ZBTB40: variants seen among roughly 807,000 people sequenced by gnomAD.
ZBTB40 encodes the protein zinc finger and BTB domain-containing protein 40.
Under a neutral mutation model 117.5 loss-of-function variants are expected in ZBTB40, and 60 were observed. The observed-to-expected ratio is 0.51, with a 90% CI of 0.41 to 0.63. ZBTB40 has a LOEUF of 0.63. Ranked by LOEUF, ZBTB40 falls within the 30% of genes least tolerant of loss-of-function variation. The pLI, the probability that ZBTB40 is intolerant of heterozygous loss-of-function variation, is 0.00. For synonymous variants in ZBTB40, 525 were observed against 577.1 expected (o/e 0.91, Z 1.29); for missense variants, 1,287 against 1,498.5 (o/e 0.86, Z 2.33).
At chr1:22,431,362 T>G (rs1216240358) in intron 1 of ZBTB40, among the ~76,000 whole-genome samples, 4 of 112,856 alleles carry the variant, frequency 3.5e-5, no homozygotes, top group East Asian at 4.2e-4. Flanking sequence ...CATATATATT[T>G]TGTGTGTGTG....
At chr1:22,502,617 G>A (rs1332362278) in intron 5 of ZBTB40, among the ~76,000 whole-genome samples, 176 bp downstream of exon 5, 1 of 152,206 alleles carries the variant, frequency 6.6e-6, no homozygotes, top group Non-Finnish European at 1.5e-5. Flanking sequence ...GTAGCTTGCT[G>A]AGGGCCTTGC....
chr1:22,433,432 C>CAAAAAAAAAAAAAAAAA lies in ZBTB40; in HGVS notation c.-70+4427_-70+4443dup, dbSNP rs767913519. On this transcript the variant is annotated intron_variant, in intron 1 of 8. Coordinates refer to the ZBTB40 transcript ENST00000650433. ...TGGGCGACAGAGCAAGACGCCCTCT[C>CAAAAAAAAAAAAAAAAA]AAAAAAAAAAAAAAAAAAAAAAAAA... Among the ~76,000 whole-genome samples the CAAAAAAAAAAAAAAAAA allele has an allele frequency of 3.5e-3, 31 of 8,754 alleles. 2 individuals carry two copies. Among genetic ancestry groups the CAAAAAAAAAAAAAAAAA allele is most frequent in the South Asian group, 7.9e-3 (1 of 126 alleles). 5.7% of individuals were successfully genotyped at this position (8,754 alleles called of 152,430 possible). A position where few individuals can be genotyped will look rare whatever the true frequency, so the allele number is the denominator to read the frequency against.
In ZBTB40 at chr1:22,511,869, C is replaced by G. The variant is rs376712223; in HGVS notation, c.2196C>G (p.Ala732=). The part of the protein sequence containing the change: ...EKEASASPDP[A]KKSFICKACD... ...AGGCTTCAGCCTCCCCAGACCCTGC[C>G]AAGAAGAGCTTCATCTGTAAGGCCT... Residue 732 remains alanine (A), a synonymous_variant, in exon 11 of 18, where the codon GCC becomes GCG. Transcript: ENST00000375647. 1 of 1,614,170 alleles carries G rather than the reference C, an allele frequency of 6.2e-7. No individual in the cohort carries two copies. Among genetic ancestry groups the G allele is most frequent in the Non-Finnish European group, 8.5e-7 (1 of 1,180,024 alleles).
At position 22,512,037 on chromosome 1, in the gene ZBTB40, C is replaced by T. The variant is rs960180335; in HGVS notation, c.2364C>T (p.Ala788=). Residue 788 remains alanine, a synonymous_variant, in exon 11 of 18, where the codon GCC becomes GCT. Coordinates refer to ENST00000375647, the MANE Select transcript of ZBTB40 (RefSeq NM_014870.4). ...AGCTGGACAAACATCAGCTGGAGGC[C>T]CATGGTGCAGGTGGAGAGCCCGATG... The part of the protein sequence containing the change: ...KKELDKHQLE[A]HGAGGEPDAP... The T allele has an allele frequency of 1.4e-5, 22 of 1,613,934 alleles. No homozygotes were observed. Among genetic ancestry groups the T allele is most frequent in the Admixed American group, 1.7e-5 (1 of 60,000 alleles).
At position 22,502,355 on chromosome 1, in the gene ZBTB40, C is replaced by T. The variant is rs747935595; in HGVS notation, c.1081C>T (p.Leu361=). 5 of 1,614,010 alleles carry T rather than the reference C, an allele frequency of 3.1e-6. No individual in the cohort carries two copies. The highest frequency in any genetic ancestry group is 4.2e-6 in the Non-Finnish European group (5 of 1,179,982). Residue 361 remains leucine (L), a synonymous_variant, in exon 5 of 18, where the codon CTG becomes TTG. Transcript: ENST00000375647. The part of the protein sequence containing the change: ...SVLLLEHKED[L]IQCVTQLRPI... The stretch of plus-strand genomic sequence containing the variant: ...TCTGTTACTAGAACACAAAGAGGAC[C>T]TGATACAGTGTGTAACACAGCTGAG...
intron 3 of ZBTB40, among the ~76,000 whole-genome samples, chr1:22,496,330 T>C (rs979926248): frequency 6.6e-6 from 1 of 152,284 alleles, no homozygotes; most frequent in East Asian, 1.9e-4. Context: ...GACCAGGTAG[T>C]GCTCAGAAGC....
chr1:22,472,230 C>T (rs1033832739), intron 1 of ZBTB40, among the ~76,000 whole-genome samples: 1 of 150,168 alleles, frequency 6.7e-6, no homozygotes, highest in Non-Finnish European at 1.5e-5. Flanking sequence ...AGGCTGGAGT[C>T]TGGAGTACAC....
chr1:22,521,025 G>T (rs1156373613), intron 14 of ZBTB40, among the ~76,000 whole-genome samples: 2 of 152,256 alleles, frequency 1.3e-5, no homozygotes, highest in African/African-American at 4.8e-5. Context: ...TGGGGCAAGG[G>T]CAGTGTGCAC....
At chr1:22,443,453 A>G (rs1640755805) in intron 1 of ZBTB40, among the ~76,000 whole-genome samples, 1 of 152,278 alleles carries the variant, frequency 6.6e-6, no homozygotes, top group Admixed American at 6.5e-5. Context: ...GTTTCTGGTT[A>G]GCAATTGGTT....
chr1:22,488,598 G>C (rs1638538315), intron 1 of ZBTB40, among the ~76,000 whole-genome samples: 1 of 152,202 alleles, frequency 6.6e-6, no homozygotes. Context: ...GAGCAGAATG[G>C]GTGAGGGGGA....
intron 1 of ZBTB40, among the ~76,000 whole-genome samples, chr1:22,461,587 A>G (rs1256051793): frequency 1.3e-5 from 2 of 152,182 alleles, no homozygotes; most frequent in Non-Finnish European, 2.9e-5. Flanking sequence ...AGCTTATAAC[A>G]CTAGGAGGAG....
chr1:22,522,362 T>C lies in ZBTB40; in HGVS notation c.3212-15T>C. The C allele has an allele frequency of 6.2e-7, 1 of 1,613,812 alleles. No individual in the cohort carries two copies. The highest frequency in any genetic ancestry group is 8.5e-7 in the Non-Finnish European group (1 of 1,179,734). ...TTGTTCTTTCCCAGCACGTCTTTCTTTATGCACTTCACAGATATGAAGTTC... is the reference window on the plus strand; with the variant it reads ...TTGTTCTTTCCCAGCACGTCTTTCTCTATGCACTTCACAGATATGAAGTTC... On this transcript the variant is annotated splice_polypyrimidine_tract_variant and intron_variant, in intron 15 of 17. Transcript: ENST00000375647.
At chr1:22,484,050 A>G (rs2124421969) in intron 1 of ZBTB40, among the ~76,000 whole-genome samples, 1 of 152,298 alleles carries the variant, frequency 6.6e-6, no homozygotes, top group Non-Finnish European at 1.5e-5. Context: ...GTCAAAGATG[A>G]ATTGACTATA....
intron 10 of ZBTB40, 129 bp downstream of exon 10, chr1:22,511,476 A>G: frequency 1.5e-6 from 2 of 1,373,070 alleles, no homozygotes; most frequent in African/African-American, 1.5e-5. Context: ...TATGCTCTGA[A>G]TACCTAAAAA....
At position 22,490,831 on chromosome 1, in the gene ZBTB40, A is replaced by G. The variant is rs1274895659; in HGVS notation, c.697+186A>G. On this transcript the variant is annotated intron_variant, in intron 2 of 17. Coordinates refer to ENST00000375647, the MANE Select transcript of ZBTB40 (RefSeq NM_014870.4). ...AACATTGAAAGTCCAAACATGAACT[A>G]CAGAGCAGAAAAGCAGTATTGGAAT... Among the ~76,000 whole-genome samples, 2 of 152,236 alleles carry G rather than the reference A, an allele frequency of 1.3e-5. 1 individual carries two copies. The highest frequency in any genetic ancestry group is 2.9e-5 in the Non-Finnish European group (2 of 68,042).
chr1:22,488,204 C>A (rs1369629387), intron 1 of ZBTB40, among the ~76,000 whole-genome samples: 2 of 152,168 alleles, frequency 1.3e-5, no homozygotes, highest in African/African-American at 4.8e-5. Flanking sequence ...ACCAAGTAAT[C>A]AACAGTATTT....
chr1:22,508,857 C>T, intron 8 of ZBTB40, 126 bp downstream of exon 8: 1 of 1,125,508 alleles, frequency 8.9e-7, no homozygotes, highest in Non-Finnish European at 1.3e-6. Flanking sequence ...TAAGGACTGG[C>T]AGTTTTGTTC....
chr1:22,488,536 C>G (rs147145111), intron 1 of ZBTB40, among the ~76,000 whole-genome samples: 1 of 152,014 alleles, frequency 6.6e-6, no homozygotes, highest in Non-Finnish European at 1.5e-5. Flanking sequence ...AGTCAGAGAA[C>G]GCAGAGCATG....
chr1:22,433,710 T>TA (rs1640633262), intron 1 of ZBTB40, among the ~76,000 whole-genome samples: 1 of 150,472 alleles, frequency 6.6e-6, no homozygotes, highest in South Asian at 2.1e-4. Flanking sequence ...GTATTGAAGT[T>TA]ATTTCCCTAT....
Sources: allele counts gnomAD v4.1 joint callset (sites outside exome capture counted in the v4.1 genomes callset), GRCh38; gene constraint gnomAD v4.1.1; transcripts MANE v1.5; gene names NCBI Gene and HGNC (gene_info 2026-07-23, HGNC 2026-07-21).